The following SIRPG variants were observed in gnomAD, a reference collection of about 807,000 sequenced individuals.
SIRPG encodes signal-regulatory protein gamma.
In SIRPG, 38 loss-of-function variants were observed where a neutral mutation model predicts 35.7. The ratio of observed to expected loss-of-function variants is 1.06; its 90% CI spans 0.82 to 1.40. SIRPG has a LOEUF of 1.40. Among genes scored for constraint, SIRPG ranks in the 40% most tolerant of loss-of-function variants. The pLI, the probability that SIRPG is intolerant of heterozygous loss-of-function variation, is 0.00. For missense variants in SIRPG, 519 were observed against 483.0 expected (o/e 1.07, Z -0.70); for synonymous variants, 215 against 190.4 (o/e 1.13, Z -1.06).
At chr20:1,636,806 A>T (rs1426172476) in intron 2 of SIRPG, among the ~76,000 whole-genome samples, 1 of 152,132 alleles carries the variant, frequency 6.6e-6, no homozygotes, top group African/African-American at 2.4e-5. Context: ...AAAGTTACTG[A>T]TTGTTCTCCC....
chr20:1,679,530 C>G, the SIRPG span, among the ~76,000 whole-genome samples: 1 of 152,040 alleles, frequency 6.6e-6, no homozygotes, highest in Non-Finnish European at 1.5e-5. Context: ...TGTCTTGCTT[C>G]CCCATCTGCT....
At chr20:1,648,043 C>A (rs2091910305) in intron 2 of SIRPG, 1 of 152,164 alleles carries the variant, frequency 6.6e-6, no homozygotes, top group Non-Finnish European at 1.5e-5. Flanking sequence ...GTGGACAAGG[C>A]CCCTATCATC....
chr20:1,640,524 T>C (rs1478469121), intron 2 of SIRPG, among the ~76,000 whole-genome samples: 2 of 152,222 alleles, frequency 1.3e-5, no homozygotes, highest in African/African-American at 4.8e-5. Context: ...ATGATGGGGC[T>C]TTCTAAATAT....
the SIRPG span, among the ~76,000 whole-genome samples, chr20:1,679,558 C>T: frequency 9.2e-5 from 14 of 152,076 alleles, no homozygotes; most frequent in African/African-American, 1.7e-4. Flanking sequence ...GCCTGCTTCA[C>T]GGAAGCTCCT....
intron 3 of SIRPG, 44 bp downstream of exon 3, chr20:1,636,144 T>C (rs1274044747): frequency 1.9e-6 from 3 of 1,611,552 alleles, no homozygotes; most frequent in Non-Finnish European, 2.5e-6. Context: ...GGAGTGGGCT[T>C]GACAGCCAGG....
At position 1,635,405 on chromosome 20, in the gene SIRPG, G is replaced by A; in HGVS notation, c.943C>T (p.Leu315=). ...DGTYNWTSWF[L]VNISDQRDDV... ...TCCCTTTGGTCAGATATGTTCACCA[G>A]GAACCAGCTTGTCCAGTTGTAGGTA... is the stretch of plus-strand genomic sequence containing the variant. The change falls in exon 4 of 6, where the codon CTG becomes TTG. Residue 315 remains leucine (L), a synonymous_variant. Coordinates refer to ENST00000303415, the MANE Select transcript of SIRPG (RefSeq NM_018556.4). 1 of 1,614,150 alleles carries A rather than the reference G, an allele frequency of 6.2e-7. No individual in the cohort carries two copies. The highest frequency in any genetic ancestry group is 8.5e-7 in the Non-Finnish European group (1 of 1,180,026).
the SIRPG span, among the ~76,000 whole-genome samples, chr20:1,673,165 T>C: frequency 1.3e-5 from 2 of 152,090 alleles, no homozygotes; most frequent in Non-Finnish European, 2.9e-5. Flanking sequence ...GAGGGCACAG[T>C]AAAGAGGGTG....
rs143367622 is a variant in SIRPG at position 1,648,657 on chromosome 20, A to G, written c.430+395T>C. On this transcript the variant is annotated intron_variant, in intron 2 of 5. Coordinates refer to ENST00000303415, the MANE Select transcript of SIRPG (RefSeq NM_018556.4). ...TATAATAAAATAAAATAAATAAAAAAAAATAAAAAAAAGAATATACTTGGC... is the reference window on the plus strand; with the variant it reads ...TATAATAAAATAAAATAAATAAAAAGAAATAAAAAAAAGAATATACTTGGC... Among the ~76,000 whole-genome samples, 1,100 of 147,784 alleles carry G rather than the reference A, an allele frequency of 7.4e-3. 13 individuals are homozygous for G. The highest frequency in any genetic ancestry group is 0.027 in the African/African-American group (1,068 of 40,282).
At chr20:1,679,827 T>C in the SIRPG span, among the ~76,000 whole-genome samples, 7 of 145,830 alleles carry the variant, frequency 4.8e-5, no homozygotes, top group Non-Finnish European at 7.6e-5. Context: ...GCTACTCTGA[T>C]TGGCTCAACC....
chr20:1,673,636 C>G, the SIRPG span, among the ~76,000 whole-genome samples: 9 of 151,950 alleles, frequency 5.9e-5, no homozygotes, highest in African/African-American at 2.2e-4. Context: ...ACAAAAGGAG[C>G]AGAAACCACC....
Position 1,630,309 on chromosome 20 carries a change from G to T in SIRPG, c.1082-3C>A. The T allele has an allele frequency of 6.4e-7, 1 of 1,555,392 alleles. No homozygotes were observed. Among genetic ancestry groups the T allele is most frequent in the Non-Finnish European group, 8.7e-7 (1 of 1,148,872 alleles). ...CGCAGTAAGGGATGATGCCGGGCCT[G>T]GAAATCAGGGAAGACGAGGGGCTAT... On this transcript the variant is annotated splice_polypyrimidine_tract_variant and splice_region_variant and intron_variant, in intron 4 of 5. Transcript: ENST00000303415.
chr20:1,652,232 C>T (rs748030484), intron 1 of SIRPG, among the ~76,000 whole-genome samples: 36 of 152,344 alleles, frequency 2.4e-4, no homozygotes, highest in Non-Finnish European at 5.0e-4. Flanking sequence ...CTACTAGAAT[C>T]TACTGGCTTG....
At chr20:1,657,910 T>C (rs944904782), upstream of SIRPG, 3 of 532,656 alleles carry the variant, frequency 5.6e-6, no homozygotes, top group African/African-American at 1.9e-5. Flanking sequence ...AAGGAGTTAA[T>C]CGTGCTCCAT....
chr20:1,667,517 A>G, the SIRPG span, among the ~76,000 whole-genome samples: 1 of 152,232 alleles, frequency 6.6e-6, no homozygotes, highest in Admixed American at 6.5e-5. Context: ...ATATTTTGAA[A>G]GTTATGTGCA....
In SIRPG at chr20:1,635,543, C is replaced by G; in HGVS notation, c.805G>C (p.Val269Leu). ...QPMRVGNQVN[V>L]TCQVRKFYPQ... ...TAGAACTTCCTCACCTGGCAGGTGA[C>G]GTTTACCTGGTTCCCCACCCTCATG... The change falls in exon 4 of 6, where the codon GTC (valine) becomes CTC (leucine). Residue 269 changes from valine to leucine, a missense_variant. Transcript: ENST00000303415. The G allele has an allele frequency of 6.2e-7, 1 of 1,614,150 alleles. No individual in the cohort carries two copies. The highest frequency in any genetic ancestry group is 1.1e-5 in the South Asian group (1 of 91,086).
intron 2 of SIRPG, among the ~76,000 whole-genome samples, chr20:1,638,809 C>G (rs1299015589): frequency 7.0e-6 from 1 of 142,834 alleles, no homozygotes; most frequent in Non-Finnish European, 1.5e-5. Context: ...TGTGTTGTTC[C>G]CCTCCCTGCG....
At chr20:1,652,993 G>T (rs1343200391) in intron 1 of SIRPG, among the ~76,000 whole-genome samples, 1 of 152,200 alleles carries the variant, frequency 6.6e-6, no homozygotes, top group African/African-American at 2.4e-5. Flanking sequence ...TAGGTGGTTT[G>T]CTCCTGTGGA....
At chr20:1,648,234 C>T (rs903244326) in intron 2 of SIRPG, 1 of 152,182 alleles carries the variant, frequency 6.6e-6, no homozygotes, top group Non-Finnish European at 1.5e-5. Flanking sequence ...TACGTATGAC[C>T]TCTTTTCTGA....
intron 2 of SIRPG, chr20:1,647,964 A>G (rs890553592): frequency 2.0e-5 from 3 of 152,214 alleles, no homozygotes; most frequent in African/African-American, 7.2e-5. Flanking sequence ...ACACTGGGGA[A>G]GGAAGGAGCC....
Sources: allele counts gnomAD v4.1 joint callset (sites outside exome capture counted in the v4.1 genomes callset), GRCh38; gene constraint gnomAD v4.1.1; transcripts MANE v1.5; gene names NCBI Gene and HGNC (gene_info 2026-07-23, HGNC 2026-07-21).